The following ITGA10 variants were observed in gnomAD, a reference collection of about 807,000 sequenced individuals.
ITGA10 encodes the protein integrin alpha-10.
ITGA10 carries 105 observed loss-of-function variants against 145.2 expected under a neutral mutation model. That is an observed-to-expected ratio of 0.72 (90% CI 0.62 to 0.85). The LOEUF (loss-of-function observed/expected upper bound fraction) is 0.85. ITGA10 is among the 40% of genes least tolerant of loss of function. The pLI, the probability that ITGA10 is intolerant of heterozygous loss-of-function variation, is 0.00. For missense variants in ITGA10, 1,317 were observed against 1,444.5 expected, an observed-to-expected ratio of 0.91 and a Z score of 1.43; for synonymous variants, 506 against 557.8, an observed-to-expected ratio of 0.91 and a Z score of 1.31.
chr1:145,903,219 G>T (rs1168362949), intron 7 of ITGA10, among the ~76,000 whole-genome samples: 1 of 152,114 alleles, frequency 6.6e-6, no homozygotes, highest in Non-Finnish European at 1.5e-5. Flanking sequence ...TAAGTACAAC[G>T]TTCATACACT....
Position 145,892,605 on chromosome 1 carries a change from C to T in ITGA10, c.*193G>A, listed in dbSNP as rs1654865019. On this transcript the variant is annotated 3_prime_UTR_variant, in exon 30 of 30. Coordinates refer to ENST00000369304, the MANE Select transcript of ITGA10 (RefSeq NM_003637.5). Reference sequence around the variant, plus strand: ...GGAGCATGGCTAGTTTTGGTGCCAGCTCTTCTTGTCTGAGGTAAAGCCTCA... The same window carrying T: ...GGAGCATGGCTAGTTTTGGTGCCAGTTCTTCTTGTCTGAGGTAAAGCCTCA... 2.0e-6 allele frequency: 1 copy of T among 492,232 alleles called. No individual in the cohort carries two copies. Among genetic ancestry groups the T allele is most frequent in the Non-Finnish European group, 3.6e-6 (1 of 277,208 alleles). The allele number at this position is 492,232 out of a possible 1,614,324, so 30.5% of individuals were successfully genotyped here. A position where few individuals can be genotyped will look rare whatever the true frequency, so the allele number is the denominator to read the frequency against.
chr1:145,904,277 G>C (rs1656800374), intron 6 of ITGA10, 77 bp from the exon 7 acceptor site: 3 of 1,389,088 alleles, frequency 2.2e-6, no homozygotes, highest in Admixed American at 1.7e-5. Flanking sequence ...GTATATAAGA[G>C]AGGAGAGATG....
chr1:145,907,503 G>C, intron 1 of ITGA10, 38 bp from the exon 2 acceptor site: 1 of 1,612,692 alleles, frequency 6.2e-7, no homozygotes. Flanking sequence ...ATGAGGTAGT[G>C]AATGGCTAGA....
chr1:145,906,519 G>C lies in ITGA10; in HGVS notation c.367-11C>G. ...GAGAGGGGCACAGGCCTGGGGATGG[G>C]GGAAATAGTTACTCCCAGGCTTGGG... is the stretch of plus-strand genomic sequence containing the variant. On this transcript the variant is annotated splice_polypyrimidine_tract_variant and intron_variant, in intron 4 of 29. Transcript: ENST00000369304. The C allele has an allele frequency of 6.2e-7, 1 of 1,610,260 alleles. No individual in the cohort carries two copies. Among genetic ancestry groups the C allele is most frequent in the Non-Finnish European group, 8.5e-7 (1 of 1,176,550 alleles).
At position 145,893,551 on chromosome 1, in the gene ITGA10, G is replaced by C; in HGVS notation, c.3313C>G (p.Arg1105Gly). 9 of 1,610,822 alleles carry C rather than the reference G, an allele frequency of 5.6e-6. No homozygotes were observed. Among genetic ancestry groups the C allele is most frequent in the Non-Finnish European group, 7.6e-6 (9 of 1,178,506 alleles). ...GSVLQLTEAS[R>G]WSESLLEVVQ... ...GTCTCCAGCCCTACCTCACTCCAAC[G>C]GGAGGCTTCAGTCAGCTGTAGGACA... is the stretch of plus-strand genomic sequence containing the variant. The change falls in exon 28 of 30, where the codon CGT becomes GGT. Residue 1105 changes from arginine to glycine, a missense_variant. Physicochemically the swap from Arg to Gly is moderately radical, Grantham distance 125. Transcript: ENST00000369304.
At chr1:145,903,739 T>C (rs1656706422) in intron 7 of ITGA10, among the ~76,000 whole-genome samples, 1 of 151,650 alleles carries the variant, frequency 6.6e-6, no homozygotes, top group African/African-American at 2.4e-5. Flanking sequence ...CAGGCTGGAG[T>C]GCAATGTTGT....
At position 145,907,080 on chromosome 1, in the gene ITGA10, CT is replaced by C; in HGVS notation, c.234del (p.Ala81ProfsTer11). On this transcript the variant is annotated frameshift_variant, in exon 3 of 30. Coordinates refer to ENST00000369304, the MANE Select transcript of ITGA10 (RefSeq NM_003637.5). LOFTEE classifies it high-confidence loss of function. ...GCACATGGGGCATTGTGGGCCCCCC[CT>C]ACAGGGCAGCGATAAACGTCCCCCC... Reference protein sequence around the residue: ...DRRGDVYRCPVGGAHNAPCAK... With the variant: ...DRRGDVYRCPXGGAHNAPCAK... The C allele has an allele frequency of 5.1e-6, 8 of 1,563,570 alleles. No individual in the cohort carries two copies. The highest frequency in any genetic ancestry group is 1.4e-5 in the African/African-American group (1 of 73,920).
chr1:145,901,777 G>T lies in ITGA10; in HGVS notation c.1294+100C>A. The T allele has an allele frequency of 6.4e-7, 1 of 1,560,000 alleles. No homozygotes were observed. On this transcript the variant is annotated intron_variant, in intron 11 of 29. Transcript: ENST00000369304. The surrounding 1 kb of genome is among the most constrained non-coding windows in gnomAD (Gnocchi z 4.3). ...AAGGGAAGTAACCAGAGGTCAGTGA[G>T]AAACCGCATGAGTTAAGAGGGAGTA...
Position 145,901,605 on chromosome 1 carries a change from G to A in ITGA10, c.1354C>T (p.Pro452Ser), listed in dbSNP as rs372868720. ...ACTTTTCCTCGATGTCTAAATCGAG[G>A]AGCCCCAGAGAGAAACAGGCGGCGT... is the stretch of plus-strand genomic sequence containing the variant. ...GGRRLFLSGA[P>S]RFRHRGKVIA... The change falls in exon 12 of 30, where the codon CCT becomes TCT. Residue 452 changes from proline (P) to serine (S), a missense_variant. Pro to Ser is a moderately conservative substitution (Grantham distance 74, BLOSUM62 -1). Coordinates refer to ENST00000369304, the MANE Select transcript of ITGA10 (RefSeq NM_003637.5). This position sits in a 1 kb window ranked among gnomAD's most constrained non-coding sequence, Gnocchi z 4.3. The A allele has an allele frequency of 2.5e-6, 4 of 1,604,390 alleles. No homozygotes were observed. Among genetic ancestry groups the A allele is most frequent in the African/African-American group, 1.3e-5 (1 of 74,254 alleles).
intron 27 of ITGA10, among the ~76,000 whole-genome samples, chr1:145,894,824 A>G (rs76625219): frequency 4.6e-5 from 7 of 152,210 alleles, no homozygotes; most frequent in Non-Finnish European, 8.8e-5. Context: ...AAGCGCCTAC[A>G]ATGAGTTAGG....
chr1:145,894,326 G>T (rs587616584), intron 27 of ITGA10, among the ~76,000 whole-genome samples: 1 of 151,988 alleles, frequency 6.6e-6, no homozygotes, highest in Non-Finnish European at 1.5e-5. Flanking sequence ...TAGCCAGGAT[G>T]GTCTCGATCT....
rs1185219956 is a variant in ITGA10, at chr1:145,891,636, G to C, written c.*1162C>G. On this transcript the variant is annotated 3_prime_UTR_variant, in exon 30 of 30. Transcript: ENST00000369304. ...GAGATTTCCAGTAAGCATCAAGCAAGGGCTGGCAAACTGATTCCACCAGAG... is the reference window on the plus strand; with the variant it reads ...GAGATTTCCAGTAAGCATCAAGCAACGGCTGGCAAACTGATTCCACCAGAG... The C allele has an allele frequency of 6.6e-6, 1 of 152,218 alleles. No individual in the cohort carries two copies. Among genetic ancestry groups the C allele is most frequent in the African/African-American group, 2.4e-5 (1 of 41,424 alleles). 9.4% of individuals were successfully genotyped at this position (152,218 alleles called of 1,614,324 possible).
intron 7 of ITGA10, among the ~76,000 whole-genome samples, chr1:145,903,243 C>T (rs1235861853): frequency 6.6e-6 from 1 of 152,116 alleles, no homozygotes; most frequent in Non-Finnish European, 1.5e-5. Context: ...ATTCATTCAA[C>T]AAATATTGCA....
intron 4 of ITGA10, 42 bp downstream of exon 4, chr1:145,906,691 T>A: frequency 6.7e-7 from 1 of 1,495,210 alleles, no homozygotes; most frequent in South Asian, 1.1e-5. Flanking sequence ...TTTTCTTTTA[T>A]GGACCTTCAG....
chr1:145,891,516 G>A lies in ITGA10; in HGVS notation c.*1282C>T, dbSNP rs1553743123. On this transcript the variant is annotated 3_prime_UTR_variant, in exon 30 of 30. Coordinates refer to ENST00000369304, the MANE Select transcript of ITGA10 (RefSeq NM_003637.5). ...AAGTCTTGATTACAAAGAAATATAA[G>A]TTACCCAGTTGTCTATGAGAATCCA... The A allele has an allele frequency of 6.6e-6, 1 of 152,234 alleles. No individual in the cohort carries two copies. The highest frequency in any genetic ancestry group is 1.5e-5 in the Non-Finnish European group (1 of 68,038). The allele number at this position is 152,234 out of a possible 1,614,324, so 9.4% of individuals were successfully genotyped here.
At chr1:145,895,819 T>A in intron 25 of ITGA10, 108 bp from the exon 26 acceptor site, 1 of 1,098,680 alleles carries the variant, frequency 9.1e-7, no homozygotes, top group Non-Finnish European at 1.3e-6. Context: ...TTATAATACC[T>A]TTTTCTTCTC....
rs1282023645 is a variant in ITGA10 at position 145,897,544 on chromosome 1, T to C, written c.2542A>G (p.Arg848Gly). 1.2e-6 allele frequency: 2 copies of C among 1,614,150 alleles called. No individual in the cohort carries two copies. Among genetic ancestry groups the C allele is most frequent in the Admixed American group, 1.7e-5 (1 of 60,000 alleles). ...YNTSLSLIFS[R>G]NLHLASLTPQ... The stretch of plus-strand genomic sequence containing the variant: ...GTGAGACTGGCCAGGTGGAGGTTTC[T>C]AGAGAAGATGAGACTCAGGCTCGTA... Residue 848 changes from arginine (R) to glycine (G), a missense_variant, in exon 20 of 30, where the codon AGA becomes GGA. Physicochemically the swap from Arg to Gly is moderately radical, Grantham distance 125. Coordinates refer to ENST00000369304, the MANE Select transcript of ITGA10 (RefSeq NM_003637.5).
intron 1 of ITGA10, among the ~76,000 whole-genome samples, chr1:145,909,154 G>T (rs1657514324): frequency 6.6e-6 from 1 of 151,424 alleles, no homozygotes; most frequent in African/African-American, 2.4e-5. Context: ...AAAAAAATTA[G>T]CCAGGCGTGG....
chr1:145,909,500 TTA>T (rs1283830833), intron 1 of ITGA10, among the ~76,000 whole-genome samples: 28 of 131,800 alleles, frequency 2.1e-4, no homozygotes, highest in Middle Eastern at 3.7e-3. Flanking sequence ...TAATATATAA[TTA>T]TGTTATATAT....
Sources: allele counts gnomAD v4.1 joint callset (sites outside exome capture counted in the v4.1 genomes callset), GRCh38; gene constraint gnomAD v4.1.1; non-coding constraint Gnocchi (gnomAD v3.1); transcripts MANE v1.5; gene names NCBI Gene and HGNC (gene_info 2026-07-23, HGNC 2026-07-21).